The following SCARB1 variants were observed in gnomAD, a reference collection of about 807,000 sequenced individuals.
SCARB1 encodes scavenger receptor class B member 1.
A neutral mutation model predicts 57.2 loss-of-function variants in SCARB1; 30 were observed. That is an observed-to-expected ratio of 0.52 (90% CI 0.39 to 0.71). The LOEUF (loss-of-function observed/expected upper bound fraction) is 0.71, where lower values mean the gene tolerates loss of function less well. Among genes scored for constraint, SCARB1 ranks in the 30% least tolerant of loss-of-function variants. The probability of loss-of-function intolerance (pLI) is 0.00; values close to 1 mark genes in which losing one functional copy is unlikely to be tolerated. For synonymous variants in SCARB1, 249 were observed against 268.3 expected (o/e 0.93, Z 0.70); for missense variants, 543 against 671.2 (o/e 0.81, Z 2.11).
Position 124,777,049 on chromosome 12 carries a change from G to T in SCARB1, c.*1538C>A, listed in dbSNP as rs1215737867. On this transcript the variant is annotated 3_prime_UTR_variant, in exon 13 of 13. Transcript: ENST00000261693. The stretch of plus-strand genomic sequence containing the variant: ...GTTCGTATATTCTTTGAAATGTTCG[G>T]CAGTGAATACCCTCTCCTCTCCTAG... 6.6e-6 allele frequency: 1 copy of T among 152,088 alleles called. No homozygotes were observed. Among genetic ancestry groups the T allele is most frequent in the Admixed American group, 6.6e-5 (1 of 15,266 alleles). The allele number at this position is 152,088 out of a possible 1,614,324, so 9.4% of individuals were successfully genotyped here.
At chr12:124,786,758 C>T (rs1376043839) in intron 10 of SCARB1, among the ~76,000 whole-genome samples, 1 of 152,208 alleles carries the variant, frequency 6.6e-6, no homozygotes, top group Non-Finnish European at 1.5e-5. Context: ...GACCTGGCCT[C>T]ACGTGACTCT....
At chr12:124,782,977 G>A (rs77174071) in intron 11 of SCARB1, 166 bp from the exon 12 acceptor site, 673 of 663,634 alleles carry the variant, frequency 1.0e-3, no homozygotes, top group East Asian at 7.1e-3. Flanking sequence ...GGGAGCTGCC[G>A]CTCTTAGACA....
chr12:124,813,735 A>T (rs552974764), intron 4 of SCARB1, among the ~76,000 whole-genome samples: 20 of 152,232 alleles, frequency 1.3e-4, no homozygotes, highest in African/African-American at 4.3e-4. Flanking sequence ...GAGACCAAAG[A>T]GATGGCTGAG....
At chr12:124,854,309 CAGG>C (rs1169844965) in intron 1 of SCARB1, among the ~76,000 whole-genome samples, 2 of 152,218 alleles carry the variant, frequency 1.3e-5, no homozygotes, top group African/African-American at 2.4e-5. Context: ...GAGGAATGGC[CAGG>C]AGGCCATTGT....
intron 7 of SCARB1, among the ~76,000 whole-genome samples, chr12:124,804,865 G>A (rs191658655): frequency 2.1e-4 from 32 of 152,276 alleles, no homozygotes; most frequent in Admixed American, 1.6e-3. Flanking sequence ...GGCCGCTTCC[G>A]GTCCTACCAA....
intron 9 of SCARB1, 78 bp from the exon 10 acceptor site, chr12:124,787,535 T>C: frequency 7.8e-7 from 1 of 1,277,432 alleles, no homozygotes; most frequent in East Asian, 2.4e-5. Flanking sequence ...GAATACAACA[T>C]CTAAACAGGT....
rs1950784612 is a variant in SCARB1 at position 124,817,432 on chromosome 12, C to T, written c.284+118G>A. ...AGCACTTACCCCGACTATGACTTGC[C>T]TGCTTCCGGAACAATCTCTGGGGCT... On this transcript the variant is annotated intron_variant, in intron 2 of 12. Coordinates refer to ENST00000261693, the MANE Select transcript of SCARB1 (RefSeq NM_005505.5). This position sits in a 1 kb window ranked among gnomAD's most constrained non-coding sequence, Gnocchi z 4.8. The T allele has an allele frequency of 8.9e-6, 9 of 1,012,678 alleles. No homozygotes were observed. In the East Asian group the frequency reaches 1.6e-4, roughly 18 times the overall value. The allele number at this position is 1,012,678 out of a possible 1,614,324, so 62.7% of individuals were successfully genotyped here. A position where few individuals can be genotyped will look rare whatever the true frequency, so the allele number is the denominator to read the frequency against.
At chr12:124,841,358 A>G (rs1951901026) in intron 1 of SCARB1, among the ~76,000 whole-genome samples, 1 of 147,594 alleles carries the variant, frequency 6.8e-6, no homozygotes, top group Non-Finnish European at 1.5e-5. Context: ...TGGGCAACAG[A>G]GCAAGACTCC....
intron 1 of SCARB1, among the ~76,000 whole-genome samples, chr12:124,826,802 A>C (rs901079537): frequency 6.6e-6 from 1 of 152,112 alleles, no homozygotes; most frequent in African/African-American, 2.4e-5. Context: ...GAGTGAAGAA[A>C]AGGCTAAAGA....
At chr12:124,787,290 G>A (rs1196431999) in intron 10 of SCARB1, 116 bp downstream of exon 10, 5 of 898,736 alleles carry the variant, frequency 5.6e-6, no homozygotes, top group African/African-American at 3.3e-5. Context: ...GTCACAGTCC[G>A]GTTACCCTGG....
chr12:124,779,898 C>T (rs997060500), intron 12 of SCARB1, among the ~76,000 whole-genome samples: 6 of 152,188 alleles, frequency 3.9e-5, no homozygotes, highest in Non-Finnish European at 7.4e-5. Context: ...GTCAGCCCCG[C>T]CCCCACACCA....
chr12:124,792,233 C>T (rs1949758993), intron 9 of SCARB1, among the ~76,000 whole-genome samples: 1 of 152,158 alleles, frequency 6.6e-6, no homozygotes, highest in Non-Finnish European at 1.5e-5. Flanking sequence ...CACGAGACAG[C>T]TCTGCTTCCC....
At chr12:124,852,257 G>A (rs750070489) in intron 1 of SCARB1, among the ~76,000 whole-genome samples, 1 of 152,220 alleles carries the variant, frequency 6.6e-6, no homozygotes, top group African/African-American at 2.4e-5. Flanking sequence ...AGCCACCAAA[G>A]CTCAGACAGG....
chr12:124,829,620 C>T lies in SCARB1; in HGVS notation c.127-11913G>A, dbSNP rs59740843. Among the ~76,000 whole-genome samples the T allele has an allele frequency of 7.2e-3, 1,095 of 152,304 alleles. 20 individuals carry two copies. Among genetic ancestry groups the T allele is most frequent in the African/African-American group, 0.025 (1,042 of 41,548 alleles). On this transcript the variant is annotated intron_variant, in intron 1 of 12. Coordinates refer to ENST00000261693, the MANE Select transcript of SCARB1 (RefSeq NM_005505.5). The stretch of plus-strand genomic sequence containing the variant: ...CACCAGGCAAGTTTCTGCCACAGGG[C>T]CTTTGCACTGACTCTTTGCTCCTCC...
intron 1 of SCARB1, among the ~76,000 whole-genome samples, chr12:124,850,682 G>A (rs1435321074): frequency 6.6e-6 from 1 of 152,144 alleles, no homozygotes; most frequent in Non-Finnish European, 1.5e-5. Context: ...AAATAAATAG[G>A]TAAGTAAATA....
rs1259749370 is a variant in SCARB1, at chr12:124,778,216, G to A, written c.*371C>T. The stretch of plus-strand genomic sequence containing the variant: ...TTTCACCTTGGAGGGGAGGAAGCCT[G>A]GGCCCAACGGCTGAACGGGACAGGC... On this transcript the variant is annotated 3_prime_UTR_variant, in exon 13 of 13. Transcript: ENST00000261693. 4 of 376,372 alleles carry A rather than the reference G, an allele frequency of 1.1e-5. No individual in the cohort carries two copies. Among genetic ancestry groups the A allele is most frequent in the African/African-American group, 8.3e-5 (4 of 48,140 alleles). 23.3% of individuals were successfully genotyped at this position (376,372 alleles called of 1,614,324 possible).
In SCARB1 at chr12:124,817,499, C is replaced by G; in HGVS notation, c.284+51G>C. The G allele has an allele frequency of 6.3e-7, 1 of 1,596,214 alleles. No homozygotes were observed. Among genetic ancestry groups the G allele is most frequent in the African/African-American group, 1.3e-5 (1 of 74,796 alleles). On this transcript the variant is annotated intron_variant, in intron 2 of 12. Transcript: ENST00000261693. This position sits in a 1 kb window ranked among gnomAD's most constrained non-coding sequence, Gnocchi z 4.8. ...CATCCCGTCCACTCTGAGACCCCTC[C>G]CCTGCCCAGCCTCAGCCGGCCCCTC...
At chr12:124,801,915 C>T (rs1175943043) in intron 7 of SCARB1, among the ~76,000 whole-genome samples, 1 of 151,270 alleles carries the variant, frequency 6.6e-6, no homozygotes, top group East Asian at 2.0e-4. Context: ...CTTTAGGAGG[C>T]CGAGGCGGGT....
chr12:124,809,539 T>C (rs1950448358), intron 6 of SCARB1, among the ~76,000 whole-genome samples: 1 of 152,246 alleles, frequency 6.6e-6, no homozygotes, highest in Admixed American at 6.5e-5. Flanking sequence ...GTTGCCCTGA[T>C]AGGACACAGC....
Sources: gnomAD v4.1 joint callset for allele counts (sites outside exome capture counted in the v4.1 genomes callset) on GRCh38, gnomAD v4.1.1 for gene constraint, Gnocchi (gnomAD v3.1) non-coding constraint, MANE v1.5 for transcripts, NCBI Gene and HGNC (gene_info 2026-07-23, HGNC 2026-07-21) for gene names.